Variants in NIPBL observed in about 807,000 individuals in gnomAD.
NIPBL encodes the protein nipped-B-like protein.
Under a neutral mutation model 321.8 loss-of-function variants are expected in NIPBL, and 19 were observed. The ratio of observed to expected loss-of-function variants is 0.06; its 90% CI spans 0.04 to 0.09. The LOEUF is 0.09. Ranked by LOEUF, NIPBL falls within the 10% of genes least tolerant of loss-of-function variation. NIPBL has a pLI of 1.00. For synonymous variants in NIPBL, 1,106 were observed against 1,114.1 expected, an observed-to-expected ratio of 0.99 and a Z score of 0.14; for missense variants, 2,210 against 3,327.0, an observed-to-expected ratio of 0.66 and a Z score of 8.26.
At chr5:36,968,396 G>GC (rs1742476239) in intron 6 of NIPBL, among the ~76,000 whole-genome samples, 1 of 151,964 alleles carries the variant, frequency 6.6e-6, no homozygotes, top group African/African-American at 2.4e-5. Flanking sequence ...AGTGAAACCC[G>GC]TGTGTACTAA....
At chr5:36,966,580 T>G (rs545095191) in intron 6 of NIPBL, among the ~76,000 whole-genome samples, 1 of 152,206 alleles carries the variant, frequency 6.6e-6, no homozygotes, top group African/African-American at 2.4e-5. Context: ...GGATGATACT[T>G]TGAGATCATG....
chr5:36,983,508 A>C (rs191702310), intron 9 of NIPBL, among the ~76,000 whole-genome samples: 2 of 152,068 alleles, frequency 1.3e-5, no homozygotes, highest in Middle Eastern at 3.4e-3. Flanking sequence ...TTGACTTTTA[A>C]CCTTGTGATA....
At chr5:36,942,242 G>A (rs1739167460) in intron 1 of NIPBL, among the ~76,000 whole-genome samples, 1 of 151,568 alleles carries the variant, frequency 6.6e-6, no homozygotes, top group Non-Finnish European at 1.5e-5. Flanking sequence ...AGACCAGCCT[G>A]GCCAACATGG....
chr5:36,890,231 A>G (rs573254548), intron 1 of NIPBL, among the ~76,000 whole-genome samples: 17 of 151,552 alleles, frequency 1.1e-4, no homozygotes, highest in Non-Finnish European at 2.1e-4. Context: ...TGAGGCAGTG[A>G]ACATCTTTAT....
chr5:36,952,053 T>C (rs138743991), intron 1 of NIPBL, among the ~76,000 whole-genome samples: 3,293 of 112,016 alleles, frequency 0.029, 72 homozygotes, highest in East Asian at 0.094. Flanking sequence ...TGTGTGTGTG[T>C]GCGCGCGCGC....
chr5:37,058,351 C>T (rs1175766503), intron 43 of NIPBL, among the ~76,000 whole-genome samples: 1 of 152,088 alleles, frequency 6.6e-6, no homozygotes, highest in African/African-American at 2.4e-5. Flanking sequence ...TATAATGTGC[C>T]CCACACACAC....
At chr5:36,969,020 A>G (rs1284569559) in intron 6 of NIPBL, among the ~76,000 whole-genome samples, 1 of 152,210 alleles carries the variant, frequency 6.6e-6, no homozygotes, top group Non-Finnish European at 1.5e-5. Context: ...ATTTTTATAT[A>G]CAGAAATAAG....
chr5:36,988,983 A>G (rs761711913), intron 10 of NIPBL, among the ~76,000 whole-genome samples: 3 of 152,208 alleles, frequency 2.0e-5, no homozygotes, highest in Non-Finnish European at 4.4e-5. Flanking sequence ...CTGTGGCACT[A>G]TATCTGTATC....
intron 25 of NIPBL, 100 bp from the exon 26 acceptor site, chr5:37,020,359 T>G (rs1387580340): frequency 6.0e-6 from 5 of 833,326 alleles, no homozygotes; most frequent in Non-Finnish European, 9.9e-6. Flanking sequence ...AAAGTAAACT[T>G]TAATATTTGT....
chr5:37,009,558 A>C (rs1318935277), intron 20 of NIPBL, among the ~76,000 whole-genome samples: 1 of 152,186 alleles, frequency 6.6e-6, no homozygotes, highest in Non-Finnish European at 1.5e-5. Flanking sequence ...ACCTGAAGAA[A>C]AACTATGAAG....
intron 22 of NIPBL, among the ~76,000 whole-genome samples, chr5:37,015,028 A>G (rs889938954): frequency 6.6e-6 from 1 of 152,192 alleles, no homozygotes; most frequent in African/African-American, 2.4e-5. Flanking sequence ...CTAGATTGAA[A>G]TTCTGTAATT....
rs543258306 is a variant in NIPBL, at chr5:36,918,407, G to A, written c.-79-35211G>A. ...GAGACTTTGCTGAAGTTGTTTATCA[G>A]CCTAAGGAGATTTTGGTCTGAGATG... On this transcript the variant is annotated intron_variant, in intron 1 of 46. Transcript: ENST00000282516. Among the ~76,000 whole-genome samples the A allele has an allele frequency of 5.9e-5, 9 of 152,258 alleles. 1 individual carries two copies. The East Asian group carries it at 1.5e-3, about 26-fold the overall frequency.
chr5:36,907,931 C>G (rs1382643124), intron 1 of NIPBL, among the ~76,000 whole-genome samples: 1 of 152,042 alleles, frequency 6.6e-6, no homozygotes, highest in Admixed American at 6.6e-5. Flanking sequence ...AAATAGTAAA[C>G]AGCTTTACAC....
intron 1 of NIPBL, among the ~76,000 whole-genome samples, chr5:36,910,083 A>G (rs2149544529): frequency 6.6e-6 from 1 of 152,270 alleles, no homozygotes; most frequent in Non-Finnish European, 1.5e-5. Flanking sequence ...TAAAAAAAAA[A>G]AAAAGAATGT....
At chr5:36,933,549 A>G (rs1368752401) in intron 1 of NIPBL, among the ~76,000 whole-genome samples, 1 of 152,118 alleles carries the variant, frequency 6.6e-6, no homozygotes, top group Non-Finnish European at 1.5e-5. Flanking sequence ...AGGATTATAA[A>G]TTAGAATCCA....
chr5:37,003,320 G>C lies in NIPBL; in HGVS notation c.3828G>C (p.Gly1276=). Residue 1276 remains glycine, a synonymous_variant, in exon 16 of 47, where the codon GGG becomes GGC. Coordinates refer to ENST00000282516, the MANE Select transcript of NIPBL (RefSeq NM_133433.4). ...TCTTGGAGAAGAATATTCAGGATGG[G>C]TCAAAGCTTTCCACTTTGTTAAATC... ...LNILEKNIQD[G]SKLSTLLNHN... 1 of 1,605,968 alleles carries C rather than the reference G, an allele frequency of 6.2e-7. No homozygotes were observed. Among genetic ancestry groups the C allele is most frequent in the Middle Eastern group, 1.7e-4 (1 of 6,026 alleles).
At position 36,962,250 on chromosome 5, in the gene NIPBL, A is replaced by G. The variant is rs747476219; in HGVS notation, c.586A>G (p.Thr196Ala). 11 of 1,614,118 alleles carry G rather than the reference A, an allele frequency of 6.8e-6. No homozygotes were observed. The East Asian group carries it at 2.5e-4, about 36-fold the overall frequency. The change falls in exon 6 of 47, where the codon ACA (threonine) becomes GCA (alanine). Residue 196 changes from threonine (T) to alanine (A), a missense_variant. Coordinates refer to ENST00000282516, the MANE Select transcript of NIPBL (RefSeq NM_133433.4). ...GCCATATTCCCATCCTTCAAGTTACACAACACATCCACAGATGCAACAAGG... is the reference window on the plus strand; with the variant it reads ...GCCATATTCCCATCCTTCAAGTTACGCAACACATCCACAGATGCAACAAGG... The part of the protein sequence containing the change: ...YMPYSHPSSY[T>A]THPQMQQASV...
In NIPBL at chr5:36,892,381, G is replaced by A. The variant is rs372656206; in HGVS notation, c.-80+15203G>A. ...CAACCATTGTGGAAGTCAGTGTGGC[G>A]ATTCCTCAGGGATCTAGAACTAGAA... On this transcript the variant is annotated intron_variant, in intron 1 of 46. Coordinates refer to ENST00000282516, the MANE Select transcript of NIPBL (RefSeq NM_133433.4). Among the ~76,000 whole-genome samples, 15 of 152,134 alleles carry A rather than the reference G, an allele frequency of 9.9e-5. 1 individual carries two copies. The East Asian group carries it at 1.7e-3, about 18-fold the overall frequency.
Position 36,993,415 on chromosome 5 carries a change from C to G in NIPBL, c.3122-2207C>G, listed in dbSNP as rs16903437. ...AACTACTGTTGATAAATGTTGATAC[C>G]TGCTTTATTGGATATAAGGCATAGG... is the stretch of plus-strand genomic sequence containing the variant. On this transcript the variant is annotated intron_variant, in intron 10 of 46. Coordinates refer to ENST00000282516, the MANE Select transcript of NIPBL (RefSeq NM_133433.4). Among the ~76,000 whole-genome samples, 793 of 152,044 alleles carry G rather than the reference C, an allele frequency of 5.2e-3. 11 individuals carry two copies. Among genetic ancestry groups the G allele is most frequent in the African/African-American group, 0.019 (768 of 41,468 alleles).
Sources: gnomAD v4.1 joint callset for allele counts (sites outside exome capture counted in the v4.1 genomes callset) on GRCh38, gnomAD v4.1.1 for gene constraint, MANE v1.5 for transcripts, NCBI Gene and HGNC (gene_info 2026-07-23, HGNC 2026-07-21) for gene names.